The following MCC variants were observed in gnomAD, a reference collection of about 807,000 sequenced individuals.
MCC encodes colorectal mutant cancer protein.
In MCC, 90 loss-of-function variants were observed where a neutral mutation model predicts 116.2. The observed-to-expected ratio is 0.77, with a 90% CI of 0.65 to 0.92. The LOEUF (loss-of-function observed/expected upper bound fraction) is 0.92. MCC is among the 40% of genes least tolerant of loss of function. The probability of loss-of-function intolerance (pLI) is 0.00; values close to 1 mark genes in which losing one functional copy is unlikely to be tolerated. For missense variants in MCC, 1,516 were observed against 1,312.2 expected (o/e 1.16, Z -2.40); for synonymous variants, 578 against 510.5 (o/e 1.13, Z -1.78).
chr5:113,147,598 T>C (rs1397122732), intron 4 of MCC, among the ~76,000 whole-genome samples: 1 of 152,242 alleles, frequency 6.6e-6, no homozygotes, highest in African/African-American at 2.4e-5. Context: ...CAAGAGATGT[T>C]ACCCTCTCAA....
At chr5:113,245,871 G>A (rs920394356) in intron 3 of MCC, among the ~76,000 whole-genome samples, 1 of 152,162 alleles carries the variant, frequency 6.6e-6, no homozygotes, top group African/African-American at 2.4e-5. Flanking sequence ...CCAGGAGTAG[G>A]GGCCAACAAT....
intron 5 of MCC, among the ~76,000 whole-genome samples, chr5:113,125,652 C>T (rs58753950): frequency 0.015 from 2,225 of 152,200 alleles, 63 homozygotes; most frequent in African/African-American, 0.051. Flanking sequence ...TGGCAGACTG[C>T]ATCAGGAGTA....
intron 2 of MCC, among the ~76,000 whole-genome samples, chr5:113,364,238 G>GAAAAAAAAA (rs60976854): frequency 1.4e-4 from 7 of 49,422 alleles, no homozygotes; most frequent in African/African-American, 2.2e-4. Context: ...CTCAAAAACA[G>GAAAAAAAAA]AAAAAAAAAA....
intron 11 of MCC, among the ~76,000 whole-genome samples, chr5:113,078,764 T>C (rs1484871639): frequency 6.6e-6 from 1 of 152,134 alleles, no homozygotes; most frequent in Non-Finnish European, 1.5e-5. Flanking sequence ...AGGGATGCCC[T>C]CTCTCACCAC....
chr5:113,155,471 A>G (rs1017123152), intron 3 of MCC, among the ~76,000 whole-genome samples: 1 of 152,202 alleles, frequency 6.6e-6, no homozygotes, highest in Non-Finnish European at 1.5e-5. Flanking sequence ...ACTGTTTTCC[A>G]TAATGGTTGT....
intron 14 of MCC, among the ~76,000 whole-genome samples, chr5:113,060,423 G>A (rs908360815): frequency 1.3e-5 from 2 of 152,186 alleles, no homozygotes; most frequent in Non-Finnish European, 2.9e-5. Context: ...AAAGTGCTGG[G>A]ATTACAGGTG....
At chr5:113,220,435 T>C (rs1444962807) in intron 3 of MCC, among the ~76,000 whole-genome samples, 2 of 152,144 alleles carry the variant, frequency 1.3e-5, no homozygotes, top group Admixed American at 6.5e-5. Flanking sequence ...ATTTATATCA[T>C]AGCAACATTG....
At chr5:113,297,749 CAAAAAAAAAAAAA>C (rs57148050) in intron 3 of MCC, among the ~76,000 whole-genome samples, 2 of 60,510 alleles carry the variant, frequency 3.3e-5, no homozygotes, top group Non-Finnish European at 6.1e-5. Context: ...GACTCTGTCT[CAAAAAAAAAAAAA>C]AAAAAAAAAA....
chr5:113,115,874 A>C (rs945250011), intron 6 of MCC, among the ~76,000 whole-genome samples: 2 of 152,222 alleles, frequency 1.3e-5, no homozygotes, highest in Non-Finnish European at 2.9e-5. Flanking sequence ...ACAGCAACTG[A>C]CAATATACAA....
At chr5:113,158,569 A>T (rs1411334501) in intron 3 of MCC, among the ~76,000 whole-genome samples, 1 of 152,176 alleles carries the variant, frequency 6.6e-6, no homozygotes, top group Non-Finnish European at 1.5e-5. Flanking sequence ...CGTTTGCTGA[A>T]TATTTATTGG....
chr5:113,090,305 C>T (rs1178970290), intron 8 of MCC, among the ~76,000 whole-genome samples: 3 of 150,282 alleles, frequency 2.0e-5, no homozygotes, highest in Non-Finnish European at 4.4e-5. Context: ...CTCTGCTAGG[C>T]ATGAGGGGGG....
At chr5:113,332,505 G>T (rs912963185) in intron 3 of MCC, among the ~76,000 whole-genome samples, 2 of 148,776 alleles carry the variant, frequency 1.3e-5, no homozygotes, top group African/African-American at 2.5e-5. Context: ...AGCCCAAGAG[G>T]TCAAGACTGC....
chr5:113,068,058 G>T (rs772554269), intron 13 of MCC, 22 bp downstream of exon 13: 1 of 1,595,926 alleles, frequency 6.3e-7, no homozygotes, highest in Non-Finnish European at 8.6e-7. Context: ...AGAGGAGGAA[G>T]AGGGACTCTG....
At chr5:113,456,129 G>A (rs1228748733) in intron 1 of MCC, among the ~76,000 whole-genome samples, 2 of 152,132 alleles carry the variant, frequency 1.3e-5, no homozygotes, top group African/African-American at 4.8e-5. Context: ...TTAGAGATAT[G>A]AGCCCCTGAT....
chr5:113,238,622 GT>G (rs1764239005), intron 3 of MCC, among the ~76,000 whole-genome samples: 1 of 152,186 alleles, frequency 6.6e-6, no homozygotes. Context: ...TTAATGCTGA[GT>G]TCATAGTATA....
rs1766006983 is a variant in MCC at position 113,280,623 on chromosome 5, A to G, written c.627+59896T>C. 2.6e-5 allele frequency among the ~76,000 whole-genome samples: 4 copies of G among 152,182 alleles called. No homozygotes were observed. The South Asian group carries it at 8.3e-4, about 32-fold the overall frequency. On this transcript the variant is annotated intron_variant, in intron 3 of 18. Transcript: ENST00000408903. Reference sequence around the variant, plus strand: ...GAGAAGGTGACATGTTGAGTCTAGAAGATGAGTTGGTGTCACCAGATGGAG... The same window carrying G: ...GAGAAGGTGACATGTTGAGTCTAGAGGATGAGTTGGTGTCACCAGATGGAG...
chr5:113,454,099 G>T (rs142132569), intron 1 of MCC, among the ~76,000 whole-genome samples: 3,281 of 151,686 alleles, frequency 0.022, 132 homozygotes, highest in African/African-American at 0.076. Context: ...CAACAAGAGC[G>T]AAACTCTGTC....
intron 1 of MCC, among the ~76,000 whole-genome samples, chr5:113,423,962 A>G (rs1485210149): frequency 1.3e-5 from 2 of 152,098 alleles, no homozygotes; most frequent in African/African-American, 2.4e-5. Flanking sequence ...AACCCTGGCT[A>G]CTAGCTTTAT....
chr5:113,321,201 T>C (rs560817877), intron 3 of MCC, among the ~76,000 whole-genome samples: 99 of 152,370 alleles, frequency 6.5e-4, no homozygotes, highest in African/African-American at 2.3e-3. Flanking sequence ...TGTTTTTAAT[T>C]TGAAGTCTAG....
Sources: allele counts gnomAD v4.1 joint callset (sites outside exome capture counted in the v4.1 genomes callset), GRCh38; gene constraint gnomAD v4.1.1; transcripts MANE v1.5; gene names NCBI Gene and HGNC (gene_info 2026-07-23, HGNC 2026-07-21).